The following CNTN5 variants were observed in gnomAD, a reference collection of about 807,000 sequenced individuals.
CNTN5 encodes the protein contactin 5.
CNTN5 carries 77 observed loss-of-function variants against 129.1 expected under a neutral mutation model. The ratio of observed to expected loss-of-function variants is 0.60; its 90% CI spans 0.50 to 0.72. The LOEUF is 0.72. CNTN5 is among the 30% of genes least tolerant of loss of function. CNTN5 has a pLI of 0.00. For synonymous variants in CNTN5, 509 were observed against 465.6 expected (o/e 1.09, Z -1.20); for missense variants, 1,478 against 1,328.8 (o/e 1.11, Z -1.75).
intron 13 of CNTN5, among the ~76,000 whole-genome samples, chr11:100,177,984 G>GCGAACTCA (rs147783603): frequency 6.6e-6 from 1 of 152,174 alleles, no homozygotes; most frequent in East Asian, 1.9e-4. Flanking sequence ...TTTCAAAGGA[G>GCGAACTCA]CGAACTCAAT....
intron 2 of CNTN5, among the ~76,000 whole-genome samples, chr11:99,467,091 A>C (rs1944974286): frequency 6.6e-6 from 1 of 152,198 alleles, no homozygotes; most frequent in Non-Finnish European, 1.5e-5. Flanking sequence ...TTTAGTTCAG[A>C]AATCATTTTT....
rs1374800095 is a variant in CNTN5 at position 100,356,230 on chromosome 11, A to G, written c.*10A>G. On this transcript the variant is annotated 3_prime_UTR_variant, in exon 25 of 25. Coordinates refer to ENST00000524871, the MANE Select transcript of CNTN5 (RefSeq NM_014361.4). ...TTCAACTTCCTGGTGAAAACTGCTG[A>G]CTTAATTTGCTTTTGTTTGCTTTAG... 6.3e-7 allele frequency: 1 copy of G among 1,580,024 alleles called. No individual in the cohort carries two copies.
At chr11:99,814,894 C>A (rs79171122) in intron 3 of CNTN5, among the ~76,000 whole-genome samples, 10 of 152,078 alleles carry the variant, frequency 6.6e-5, no homozygotes, top group Admixed American at 5.9e-4. Context: ...AGGAAACTTA[C>A]AATCATGATG....
chr11:99,939,172 A>T (rs1389906624), intron 7 of CNTN5, among the ~76,000 whole-genome samples: 1 of 152,102 alleles, frequency 6.6e-6, no homozygotes, highest in Non-Finnish European at 1.5e-5. Flanking sequence ...TTTCTCTAAC[A>T]ATGTAAGAAA....
intron 1 of CNTN5, among the ~76,000 whole-genome samples, chr11:99,139,084 A>G (rs923296061): frequency 6.9e-5 from 8 of 116,098 alleles, no homozygotes; most frequent in African/African-American, 2.8e-4. Flanking sequence ...GCGAAACTCC[A>G]TCTCTACCCC....
At chr11:100,027,795 G>T (rs1261256289) in intron 9 of CNTN5, among the ~76,000 whole-genome samples, 2 of 152,182 alleles carry the variant, frequency 1.3e-5, no homozygotes, top group Non-Finnish European at 2.9e-5. Flanking sequence ...CAGGGAGCAA[G>T]CTTGGGCAGT....
At chr11:99,634,297 C>T (rs1222447003) in intron 3 of CNTN5, among the ~76,000 whole-genome samples, 2 of 152,024 alleles carry the variant, frequency 1.3e-5, no homozygotes. Flanking sequence ...TGATGAAAGT[C>T]AAGGGATGAG....
chr11:99,554,791 G>A (rs961786161), intron 2 of CNTN5, among the ~76,000 whole-genome samples: 1 of 151,842 alleles, frequency 6.6e-6, no homozygotes, highest in African/African-American at 2.4e-5. Flanking sequence ...TGTGATATGT[G>A]GATTTTATTA....
rs566705612 is a variant in CNTN5 at position 99,028,051 on chromosome 11, CTTAG to C, written c.-210+6785_-210+6788del. 2.0e-4 allele frequency among the ~76,000 whole-genome samples: 31 copies of C among 151,772 alleles called. No individual in the cohort carries two copies. In the South Asian group the frequency reaches 6.0e-3, roughly 29 times the overall value. On this transcript the variant is annotated intron_variant, in intron 1 of 24. Transcript: ENST00000524871. ...TTTAGTTCTTTGAATTTTTACTTTC[CTTAG>C]TTATTTATTTTCCTAAAACTTACAT...
chr11:99,049,500 G>A (rs1330248506), intron 1 of CNTN5: 1 of 152,050 alleles, frequency 6.6e-6, no homozygotes, highest in African/African-American at 2.4e-5. Context: ...GAAGCTACAT[G>A]AAATAAATAA....
chr11:100,271,041 T>C (rs1950398784), intron 17 of CNTN5, 51 bp from the exon 18 acceptor site: 1 of 1,425,432 alleles, frequency 7.0e-7, no homozygotes. Context: ...TTGCCATTTG[T>C]AGCATTTTTC....
intron 13 of CNTN5, among the ~76,000 whole-genome samples, chr11:100,137,370 A>G (rs1205662980): frequency 1.3e-5 from 2 of 152,140 alleles, no homozygotes; most frequent in Admixed American, 1.3e-4. Context: ...TTATTCAACT[A>G]TTAATTCAAT....
At chr11:100,087,285 G>T (rs1312753698) in intron 13 of CNTN5, among the ~76,000 whole-genome samples, 3 of 150,080 alleles carry the variant, frequency 2.0e-5, no homozygotes, top group Non-Finnish European at 3.0e-5. Flanking sequence ...ATTGACTCAA[G>T]AAGAATTGAA....
At chr11:99,243,994 T>C (rs572069991) in intron 1 of CNTN5, among the ~76,000 whole-genome samples, 1 of 152,234 alleles carries the variant, frequency 6.6e-6, no homozygotes, top group East Asian at 1.9e-4. Flanking sequence ...TTTCTAGTTC[T>C]TTGAAAAATG....
At chr11:100,050,190 G>T (rs1447326843) in intron 9 of CNTN5, among the ~76,000 whole-genome samples, 1 of 152,088 alleles carries the variant, frequency 6.6e-6, no homozygotes, top group Non-Finnish European at 1.5e-5. Flanking sequence ...GTTTATTGTG[G>T]CACTATTCAC....
intron 3 of CNTN5, among the ~76,000 whole-genome samples, chr11:99,701,039 G>C (rs10219369): frequency 6.6e-6 from 1 of 150,936 alleles, no homozygotes; most frequent in Non-Finnish European, 1.5e-5. Context: ...TCTATTTAAG[G>C]ACCATCTTAT....
chr11:99,916,593 CT>C (rs1179610164), intron 7 of CNTN5, among the ~76,000 whole-genome samples: 1 of 151,978 alleles, frequency 6.6e-6, no homozygotes, highest in Non-Finnish European at 1.5e-5. Flanking sequence ...CTAAGAAATG[CT>C]TTTTTTGAGT....
intron 2 of CNTN5, among the ~76,000 whole-genome samples, chr11:99,550,475 C>G (rs1035898433): frequency 6.6e-6 from 1 of 152,060 alleles, no homozygotes; most frequent in African/African-American, 2.4e-5. Flanking sequence ...CTATTCCAAC[C>G]TTATTCAGCC....
chr11:99,787,660 A>T (rs1200209187), intron 3 of CNTN5, among the ~76,000 whole-genome samples: 1 of 152,084 alleles, frequency 6.6e-6, no homozygotes, highest in Admixed American at 6.6e-5. Context: ...CAATTATTTC[A>T]AAGAAGAAAA....
Sources: allele counts gnomAD v4.1 joint callset (sites outside exome capture counted in the v4.1 genomes callset), GRCh38; gene constraint gnomAD v4.1.1; transcripts MANE v1.5; gene names NCBI Gene and HGNC (gene_info 2026-07-23, HGNC 2026-07-21).